SEC22C: variants seen among roughly 807,000 people sequenced by gnomAD.
The protein encoded by SEC22C is SEC22 homolog C, vesicle trafficking protein.
A neutral mutation model predicts 34.7 loss-of-function variants in SEC22C; 29 were observed. The observed-to-expected ratio is 0.84, with a 90% CI of 0.62 to 1.14. The LOEUF is 1.14. SEC22C is among the 50% of genes most tolerant of loss of function. The pLI is 0.00. For synonymous variants in SEC22C, 117 were observed against 132.8 expected (o/e 0.88, Z 0.82); for missense variants, 337 against 369.0 (o/e 0.91, Z 0.71).
intron 1 of SEC22C, among the ~76,000 whole-genome samples, chr3:42,572,236 C>CA (rs1703684582): frequency 6.8e-6 from 1 of 146,706 alleles, no homozygotes; most frequent in African/African-American, 2.5e-5. Flanking sequence ...AAAAAAAAGC[C>CA]AAAAAAACTT....
At chr3:42,554,987 C>CA (rs1313019051) in intron 6 of SEC22C, among the ~76,000 whole-genome samples, 4 of 133,876 alleles carry the variant, frequency 3.0e-5, no homozygotes, top group Admixed American at 7.1e-5. Context: ...ACAACAACAA[C>CA]AACAACAACA....
rs148476496 is a variant in SEC22C at position 42,561,281 on chromosome 3, T to A, written c.362A>T (p.Lys121Ile). ...TACATAGTTAAAATGCCACTTCACT[T>A]TCTGAATGATGCTGTCTGCAAAAAG... ...AFLEFDSIIQ[K>I]VKWHFNYVSS... The change falls in exon 4 of 7, where the codon AAA becomes ATA. Residue 121 changes from lysine to isoleucine, a missense_variant. Lys to Ile is a moderately radical substitution (Grantham distance 102). Transcript: ENST00000264454. 6.2e-7 allele frequency: 1 copy of A among 1,614,212 alleles called. No homozygotes were observed. The highest frequency in any genetic ancestry group is 2.2e-5 in the East Asian group (1 of 44,888).
At chr3:42,558,174 T>C (rs1702649644) in intron 4 of SEC22C, among the ~76,000 whole-genome samples, 1 of 152,098 alleles carries the variant, frequency 6.6e-6, no homozygotes, top group African/African-American at 2.4e-5. Context: ...AAAATGTCAA[T>C]AGGGATCAGG....
intron 1 of SEC22C, among the ~76,000 whole-genome samples, chr3:42,572,830 G>A (rs1191887324): frequency 6.6e-6 from 1 of 152,186 alleles, no homozygotes; most frequent in Admixed American, 6.5e-5. Flanking sequence ...AGATGACAGA[G>A]ATATTAGAAT....
intron 5 of SEC22C, among the ~76,000 whole-genome samples, chr3:42,556,938 G>A (rs1417426948): frequency 6.6e-6 from 1 of 152,094 alleles, no homozygotes; most frequent in Non-Finnish European, 1.5e-5. Context: ...GATCAGGCTG[G>A]TCTCAAACTC....
chr3:42,588,358 T>C (rs1704693155), intron 1 of SEC22C, among the ~76,000 whole-genome samples: 1 of 152,052 alleles, frequency 6.6e-6, no homozygotes, highest in African/African-American at 2.4e-5. Context: ...TGAGCTGAGA[T>C]TGCACCAATG....
chr3:42,568,650 GAAA>G (rs56182942), intron 2 of SEC22C, among the ~76,000 whole-genome samples: 1 of 96,544 alleles, frequency 1.0e-5, no homozygotes. Context: ...TGCCTCAAAA[GAAA>G]AAAAAAAAAA....
chr3:42,598,071 T>G (rs1407292986), intron 1 of SEC22C, among the ~76,000 whole-genome samples: 1 of 152,242 alleles, frequency 6.6e-6, no homozygotes, highest in Non-Finnish European at 1.5e-5. Context: ...ATTCCATTTC[T>G]GGGCATATAT....
intron 1 of SEC22C, among the ~76,000 whole-genome samples, chr3:42,597,041 A>G (rs78416166): frequency 6.6e-6 from 1 of 152,192 alleles, no homozygotes. Flanking sequence ...AGCTTTATCA[A>G]ACTATTTCAT....
At chr3:42,563,794 A>G in intron 2 of SEC22C, 108 bp from the exon 3 acceptor site, 1 of 1,563,340 alleles carries the variant, frequency 6.4e-7, no homozygotes, top group Non-Finnish European at 8.7e-7. Flanking sequence ...GGCTTTAAAC[A>G]GTCCTGTAGC....
chr3:42,582,700 T>A (rs114346139), upstream of SEC22C, among the ~76,000 whole-genome samples: 968 of 151,846 alleles, frequency 6.4e-3, 4 homozygotes, highest in Non-Finnish European at 0.01. Context: ...GGAGCAGGGG[T>A]TTTGGGAGAA....
rs1577284111 is a variant in SEC22C, at chr3:42,551,678, C to A, written c.*1570G>T. 1.0e-5 allele frequency: 10 copies of A among 962,720 alleles called. No homozygotes were observed. The highest frequency in any genetic ancestry group is 5.3e-5 in the African/African-American group (3 of 56,734). 59.6% of individuals were successfully genotyped at this position (962,720 alleles called of 1,614,324 possible). On this transcript the variant is annotated 3_prime_UTR_variant, in exon 7 of 7. Coordinates refer to ENST00000264454, the MANE Select transcript of SEC22C (RefSeq NM_032970.4). ...TATGTTTGGTCAAAAATAGAAAATT[C>A]TATTATAAAAAATAAAGTTACTATG...
chr3:42,548,687 T>A lies in SEC22C; in HGVS notation c.*4561A>T. The A allele has an allele frequency of 6.2e-7, 1 of 1,613,916 alleles. No individual in the cohort carries two copies. Among genetic ancestry groups the A allele is most frequent in the Non-Finnish European group, 8.5e-7 (1 of 1,179,970 alleles). ...AATAAACCAAACATCAATGGTACCATGCGCTCTGTGCCCAGGGAGTGAAAG... is the reference window on the plus strand; with the variant it reads ...AATAAACCAAACATCAATGGTACCAAGCGCTCTGTGCCCAGGGAGTGAAAG... On this transcript the variant is annotated 3_prime_UTR_variant, in exon 7 of 7. Coordinates refer to ENST00000264454, the MANE Select transcript of SEC22C (RefSeq NM_032970.4).
rs575040139 is a variant in SEC22C, at chr3:42,563,801, T to C, written c.183-115A>G. On this transcript the variant is annotated intron_variant, in intron 2 of 6. Transcript: ENST00000264454. Reference sequence around the variant, plus strand: ...ACTTGCTTGGCTTTAAACAGTCCTGTAGCTGTTTGCTGCAGGTATATTGTC... The same window carrying C: ...ACTTGCTTGGCTTTAAACAGTCCTGCAGCTGTTTGCTGCAGGTATATTGTC... The C allele has an allele frequency of 5.7e-5, 89 of 1,554,534 alleles. No individual in the cohort carries two copies. The East Asian group carries it at 1.9e-3, about 33-fold the overall frequency.
intron 1 of SEC22C, among the ~76,000 whole-genome samples, chr3:42,575,400 A>G (rs1703898370): frequency 6.6e-6 from 1 of 152,362 alleles, no homozygotes; most frequent in Non-Finnish European, 1.5e-5. Flanking sequence ...CACTTCCAGT[A>G]TAACAATATA....
At chr3:42,581,472 G>GAAGTTTGCTATTCAGATTAA (rs1056655141) in intron 1 of SEC22C, 3 of 152,290 alleles carry the variant, frequency 2.0e-5, no homozygotes, top group African/African-American at 7.2e-5. Flanking sequence ...CATGCTAAGG[G>GAAGTTTGCTATTCAGATTAA]AAGTTTGCTA....
intron 1 of SEC22C, among the ~76,000 whole-genome samples, chr3:42,599,994 A>C (rs892519488): frequency 1.2e-4 from 18 of 152,368 alleles, no homozygotes; most frequent in African/African-American, 4.3e-4. Flanking sequence ...ATGAAACGAC[A>C]GGCCCAGATT....
At chr3:42,598,475 C>A (rs1396666103) in intron 1 of SEC22C, among the ~76,000 whole-genome samples, 4 of 151,878 alleles carry the variant, frequency 2.6e-5, no homozygotes, top group Non-Finnish European at 5.9e-5. Context: ...TTACAGGTGC[C>A]TGCCACCACG....
chr3:42,596,623 G>A (rs540543665), intron 1 of SEC22C, among the ~76,000 whole-genome samples: 1 of 152,286 alleles, frequency 6.6e-6, no homozygotes, highest in South Asian at 2.1e-4. Context: ...CTTGTCCCAG[G>A]AGTTTCTTCA....
Sources: allele counts gnomAD v4.1 joint callset (sites outside exome capture counted in the v4.1 genomes callset), GRCh38; gene constraint gnomAD v4.1.1; transcripts MANE v1.5; gene names NCBI Gene and HGNC (gene_info 2026-07-23, HGNC 2026-07-21).